RBFOX1: variants seen among roughly 807,000 people sequenced by gnomAD.
RBFOX1 encodes RNA binding fox-1 homolog 1.
A neutral mutation model predicts 57.7 loss-of-function variants in RBFOX1; 8 were observed. The observed-to-expected ratio is 0.14, with a 90% confidence interval of 0.08 to 0.25. The LOEUF is 0.25. Among genes scored for constraint, RBFOX1 ranks in the 10% least tolerant of loss-of-function variants. RBFOX1 has a pLI of 1.00. For missense variants in RBFOX1, 611 were observed against 548.5 expected (o/e 1.11, Z -1.14); for synonymous variants, 326 against 222.4 (o/e 1.47, Z -4.15).
chr16:5,319,620 T>G (rs954257047), intron 1 of RBFOX1, among the ~76,000 whole-genome samples: 5 of 152,112 alleles, frequency 3.3e-5, no homozygotes, highest in Non-Finnish European at 5.9e-5. Context: ...CCCAGCCTGG[T>G]GGGGAAAGAC....
At chr16:5,364,747 G>T (rs778559361) in intron 1 of RBFOX1, among the ~76,000 whole-genome samples, 9 of 151,696 alleles carry the variant, frequency 5.9e-5, no homozygotes, top group Non-Finnish European at 1.2e-4. Flanking sequence ...AGCTGATTCT[G>T]TGGCAGACAC....
intron 3 of RBFOX1, among the ~76,000 whole-genome samples, chr16:6,897,994 C>G (rs146487364): frequency 5.0e-4 from 76 of 152,260 alleles, no homozygotes; most frequent in East Asian, 4.4e-3. Flanking sequence ...CTCTGCTAAA[C>G]TACAGGCTCC....
chr16:6,844,069 C>G (rs1172465806), intron 3 of RBFOX1, among the ~76,000 whole-genome samples: 1 of 152,086 alleles, frequency 6.6e-6, no homozygotes, highest in African/African-American at 2.4e-5. Context: ...GTCTCTCTCT[C>G]CCCACCCCCA....
chr16:6,906,172 G>C (rs1010050274), intron 3 of RBFOX1, among the ~76,000 whole-genome samples: 1 of 151,982 alleles, frequency 6.6e-6, no homozygotes, highest in East Asian at 1.9e-4. Flanking sequence ...TAGCGCATTA[G>C]AGAAAACGTC....
intron 3 of RBFOX1, among the ~76,000 whole-genome samples, chr16:6,864,239 C>T (rs1218930700): frequency 6.6e-6 from 1 of 152,084 alleles, no homozygotes; most frequent in Non-Finnish European, 1.5e-5. Context: ...GGGTTCTTCT[C>T]AAAGCATAAC....
At chr16:7,137,079 A>G (rs2072231813) in intron 4 of RBFOX1, among the ~76,000 whole-genome samples, 1 of 152,204 alleles carries the variant, frequency 6.6e-6, no homozygotes, top group African/African-American at 2.4e-5. Context: ...CTATTCTATA[A>G]AGGAGAAACT....
intron 2 of RBFOX1, among the ~76,000 whole-genome samples, chr16:6,580,959 G>A (rs1042345928): frequency 1.3e-5 from 2 of 151,464 alleles, no homozygotes; most frequent in African/African-American, 4.9e-5. Context: ...AATTGCAAAG[G>A]CAAGCTTCTG....
At chr16:5,562,380 T>C (rs1222843234) in intron 2 of RBFOX1, among the ~76,000 whole-genome samples, 1 of 152,112 alleles carries the variant, frequency 6.6e-6, no homozygotes, top group Non-Finnish European at 1.5e-5. Context: ...GTGAAGAACC[T>C]CTTGGTCCTG....
intron 3 of RBFOX1, among the ~76,000 whole-genome samples, chr16:5,707,483 C>G (rs2051295456): frequency 6.6e-6 from 1 of 152,158 alleles, no homozygotes; most frequent in Non-Finnish European, 1.5e-5. Flanking sequence ...CTAAAGATGC[C>G]AGGTCCTAAT....
chr16:7,055,249 A>T (rs778284491), intron 4 of RBFOX1, among the ~76,000 whole-genome samples: 3 of 152,210 alleles, frequency 2.0e-5, no homozygotes, highest in Non-Finnish European at 4.4e-5. Flanking sequence ...TGACTACGCA[A>T]CACTTTTGTT....
intron 4 of RBFOX1, among the ~76,000 whole-genome samples, chr16:7,246,633 C>CTTTTTTTTTTTTTTTTTT (rs56654382): frequency 2.6e-4 from 27 of 105,476 alleles, no homozygotes; most frequent in African/African-American, 1.1e-3. Context: ...TGGTCACCTC[C>CTTTTTTTTTTTTTTTTTT]TTTTTTTTTT....
intron 3 of RBFOX1, among the ~76,000 whole-genome samples, chr16:6,899,417 A>T (rs1567783548): frequency 6.6e-6 from 1 of 152,208 alleles, no homozygotes; most frequent in Non-Finnish European, 1.5e-5. Context: ...AAGCATGGAT[A>T]CATTACAATT....
In RBFOX1 at chr16:6,279,508, A is replaced by T. The variant is rs1430885038; in HGVS notation, c.-126-37487A>T. Among the ~76,000 whole-genome samples, 3 of 152,164 alleles carry T rather than the reference A, an allele frequency of 2.0e-5. 1 individual carries two copies. Among genetic ancestry groups the T allele is most frequent in the Non-Finnish European group, 4.4e-5 (3 of 68,034 alleles). On this transcript the variant is annotated intron_variant, in intron 1 of 15. Coordinates refer to ENST00000550418, the MANE Select transcript of RBFOX1 (RefSeq NM_018723.4). ...CTGCAGGGGATAAAGATTCCATGGAAACTTTAAACAATTGGGACTGATGGA... is the reference window on the plus strand; with the variant it reads ...CTGCAGGGGATAAAGATTCCATGGATACTTTAAACAATTGGGACTGATGGA...
At chr16:6,639,510 T>C (rs760634360) in intron 2 of RBFOX1, among the ~76,000 whole-genome samples, 4 of 152,132 alleles carry the variant, frequency 2.6e-5, no homozygotes, top group African/African-American at 9.7e-5. Context: ...ACATCTTATA[T>C]TGAGAAGGAA....
intron 5 of RBFOX1, among the ~76,000 whole-genome samples, chr16:7,564,960 C>T (rs1438894855): frequency 1.3e-5 from 2 of 152,176 alleles, no homozygotes; most frequent in East Asian, 1.9e-4. Flanking sequence ...TGTCACCTGG[C>T]CGTGGAATCA....
chr16:5,417,991 G>C (rs2067205421), intron 1 of RBFOX1, among the ~76,000 whole-genome samples: 1 of 152,162 alleles, frequency 6.6e-6, no homozygotes, highest in Non-Finnish European at 1.5e-5. Flanking sequence ...TGAGGCAGAA[G>C]AATCACTTGA....
At chr16:7,553,879 A>T (rs900014457) in intron 5 of RBFOX1, among the ~76,000 whole-genome samples, 1 of 152,210 alleles carries the variant, frequency 6.6e-6, no homozygotes, top group Non-Finnish European at 1.5e-5. Context: ...TCAGCCTGGC[A>T]GGTCTTTTTG....
intron 4 of RBFOX1, among the ~76,000 whole-genome samples, chr16:7,193,922 T>C (rs1346955732): frequency 6.6e-6 from 1 of 152,196 alleles, no homozygotes; most frequent in Admixed American, 6.5e-5. Context: ...CTAGTAGCAG[T>C]TGAAAATATA....
At chr16:7,238,911 T>C (rs2093915519) in intron 4 of RBFOX1, among the ~76,000 whole-genome samples, 1 of 152,186 alleles carries the variant, frequency 6.6e-6, no homozygotes, top group African/African-American at 2.4e-5. Flanking sequence ...TATGTTCCTT[T>C]GTTAGTTTGC....
Sources: gnomAD v4.1 joint callset for allele counts (sites outside exome capture counted in the v4.1 genomes callset) on GRCh38, gnomAD v4.1.1 for gene constraint, MANE v1.5 for transcripts, NCBI Gene and HGNC (gene_info 2026-07-23, HGNC 2026-07-21) for gene names.